BLM: variants seen among roughly 807,000 people sequenced by gnomAD.
BLM encodes recQ-like DNA helicase BLM.
Under a neutral mutation model 135.3 loss-of-function variants are expected in BLM, and 95 were observed. The ratio of observed to expected loss-of-function variants is 0.70; its 90% CI spans 0.59 to 0.83. The LOEUF (loss-of-function observed/expected upper bound fraction) is 0.83. BLM is among the 40% of genes least tolerant of loss of function. The probability of loss-of-function intolerance (pLI) is 0.00; values close to 1 mark genes in which losing one functional copy is unlikely to be tolerated. For missense variants in BLM, 1,518 were observed against 1,663.9 expected, an observed-to-expected ratio of 0.91 and a Z score of 1.53; for synonymous variants, 520 against 589.2, an observed-to-expected ratio of 0.88 and a Z score of 1.70.
chr15:90,721,301 A>T (rs1350531760), intron 1 of BLM, among the ~76,000 whole-genome samples: 1 of 151,968 alleles, frequency 6.6e-6, no homozygotes, highest in Non-Finnish European at 1.5e-5. Context: ...TTAATCATTT[A>T]TCTGTTATTT....
In BLM at chr15:90,763,153, G is replaced by A. The variant is rs148078150; in HGVS notation, c.2070G>A (p.Pro690=). 8.7e-6 allele frequency: 14 copies of A among 1,613,626 alleles called. No individual in the cohort carries two copies. The highest frequency in any genetic ancestry group is 1.7e-5 in the Admixed American group (1 of 59,980). The change falls in exon 8 of 22, where the codon CCG becomes CCA. Residue 690 remains proline, a synonymous_variant. Transcript: ENST00000355112. The part of the protein sequence containing the change: ...LLGEDCFILM[P]TGGGKSLCYQ... The stretch of plus-strand genomic sequence containing the variant: ...GTGAAGACTGTTTTATCCTGATGCC[G>A]ACTGGTATGTATTTTTAGAAGTGAA...
intron 1 of BLM, among the ~76,000 whole-genome samples, chr15:90,728,860 T>C (rs868444326): frequency 6.6e-6 from 1 of 152,134 alleles, no homozygotes; most frequent in Admixed American, 6.6e-5. Context: ...GCTGCTGTAA[T>C]AAATTACCAT....
intron 2 of BLM, chr15:90,747,785 G>T: frequency 8.9e-6 from 3 of 337,138 alleles, no homozygotes; most frequent in South Asian, 3.3e-5. Context: ...AAGTTTTGGG[G>T]GGTTTTTTTG....
In BLM at chr15:90,761,270, A is replaced by C. The variant is rs1163327010; in HGVS notation, c.1882+15A>C. The C allele has an allele frequency of 1.4e-6, 2 of 1,477,584 alleles. No individual in the cohort carries two copies. The highest frequency in any genetic ancestry group is 2.9e-5 in the African/African-American group (2 of 70,016). 91.5% of individuals were successfully genotyped at this position (1,477,584 alleles called of 1,614,324 possible). A position where few individuals can be genotyped will look rare whatever the true frequency, so the allele number is the denominator to read the frequency against. On this transcript the variant is annotated intron_variant, in intron 7 of 21. Coordinates refer to ENST00000355112, the MANE Select transcript of BLM (RefSeq NM_000057.4). Reference sequence around the variant, plus strand: ...GAATTATACTGGTAAGTTTAAAATAAATTGAATGCTTATATGAAAACAAAA... The same window carrying C: ...GAATTATACTGGTAAGTTTAAAATACATTGAATGCTTATATGAAAACAAAA...
chr15:90,799,553 G>C (rs1160903104), intron 17 of BLM, among the ~76,000 whole-genome samples: 2 of 145,880 alleles, frequency 1.4e-5, no homozygotes, highest in Non-Finnish European at 3.0e-5. Flanking sequence ...CAATGATCTA[G>C]GAAAACTTCC....
Position 90,750,059 on chromosome 15 carries a change from A to T in BLM, c.791A>T (p.Asp264Val). 6.2e-7 allele frequency: 1 copy of T among 1,613,964 alleles called. No individual in the cohort carries two copies. Among genetic ancestry groups the T allele is most frequent in the Non-Finnish European group, 8.5e-7 (1 of 1,179,902 alleles). The change falls in exon 3 of 22, where the codon GAT becomes GTT. Residue 264 changes from aspartate (D) to valine (V), a missense_variant. Coordinates refer to ENST00000355112, the MANE Select transcript of BLM (RefSeq NM_000057.4). ...ESDSLKTHLEDERDNSEKKKN... is the reference protein window; with the variant it reads ...ESDSLKTHLEVERDNSEKKKN... The stretch of plus-strand genomic sequence containing the variant: ...GACTCTCTGAAAACTCATTTGGAAG[A>T]TGAAAGAGGTAACAATTATTTTATC...
chr15:90,739,419 TAAAG>T (rs1047969617), intron 1 of BLM, among the ~76,000 whole-genome samples: 8 of 151,636 alleles, frequency 5.3e-5, no homozygotes, highest in African/African-American at 1.9e-4. Context: ...TTAATAATAA[TAAAG>T]GAAGGAGCCT....
intron 12 of BLM, among the ~76,000 whole-genome samples, chr15:90,775,685 T>A (rs1322973292): frequency 1.3e-5 from 2 of 152,030 alleles, no homozygotes; most frequent in Admixed American, 1.3e-4. Context: ...CTAATTTTTC[T>A]ATTTTTAGTA....
At chr15:90,748,856 C>A (rs1330484146) in intron 2 of BLM, among the ~76,000 whole-genome samples, 1 of 151,634 alleles carries the variant, frequency 6.6e-6, no homozygotes, top group Non-Finnish European at 1.5e-5. Context: ...CTCCTGGGTT[C>A]AAGCTATTCT....
rs2029922198 is a variant in BLM, at chr15:90,816,135, C to T, written c.*856C>T. ...TGCTCTGCAAATATGTGAAAAAGGT[C>T]AATCTCCATGAATAAAAATATGATA... On this transcript the variant is annotated 3_prime_UTR_variant, in exon 22 of 22. Coordinates refer to ENST00000355112, the MANE Select transcript of BLM (RefSeq NM_000057.4). 6.6e-6 allele frequency: 1 copy of T among 150,514 alleles called. No individual in the cohort carries two copies. The highest frequency in any genetic ancestry group is 2.4e-5 in the African/African-American group (1 of 40,960). The allele number at this position is 150,514 out of a possible 1,614,324, so 9.3% of individuals were successfully genotyped here. A position where few individuals can be genotyped will look rare whatever the true frequency, so the allele number is the denominator to read the frequency against.
At chr15:90,771,735 A>C (rs752307368) in intron 12 of BLM, among the ~76,000 whole-genome samples, 2 of 151,958 alleles carry the variant, frequency 1.3e-5, no homozygotes, top group Non-Finnish European at 2.9e-5. Flanking sequence ...CTTACGCCGG[A>C]TGCAATCTAC....
chr15:90,767,050 AT>A, intron 10 of BLM, 27 bp downstream of exon 10: 1 of 1,376,590 alleles, frequency 7.3e-7, no homozygotes, highest in South Asian at 1.3e-5. Flanking sequence ...TTATTTTAAA[AT>A]ATATTAAAGA....
At chr15:90,735,463 CTATCATGATAA>C (rs1895190234) in intron 1 of BLM, among the ~76,000 whole-genome samples, 1 of 151,670 alleles carries the variant, frequency 6.6e-6, no homozygotes, top group South Asian at 2.1e-4. Context: ...TGCAAAGCTT[CTATCATGATAA>C]TATTGTGGTA....
intron 20 of BLM, among the ~76,000 whole-genome samples, chr15:90,810,731 A>C (rs1002282631): frequency 5.9e-5 from 9 of 152,190 alleles, no homozygotes; most frequent in Admixed American, 4.6e-4. Context: ...GAATTTTCTT[A>C]TGTTCATTTA....
chr15:90,769,561 C>G lies in BLM; in HGVS notation c.2530C>G (p.Gln844Glu). ...NPRVQKDILT[Q>E]LKILRPQVFS... Reference sequence around the variant, plus strand: ...CAGGGTACAGAAGGACATCCTGACTCAGCTGAAGATTCTCAGACCTCAGGT... The same window carrying G: ...CAGGGTACAGAAGGACATCCTGACTGAGCTGAAGATTCTCAGACCTCAGGT... Residue 844 changes from glutamine to glutamate, a missense_variant, in exon 12 of 22, where the codon CAG becomes GAG. Physicochemically the swap from Gln to Glu is conservative, Grantham distance 29. Coordinates refer to ENST00000355112, the MANE Select transcript of BLM (RefSeq NM_000057.4). The G allele has an allele frequency of 6.2e-7, 1 of 1,614,022 alleles. No homozygotes were observed. The highest frequency in any genetic ancestry group is 8.5e-7 in the Non-Finnish European group (1 of 1,179,934).
intron 21 of BLM, among the ~76,000 whole-genome samples, chr15:90,813,513 C>T: frequency 6.6e-6 from 1 of 152,156 alleles, no homozygotes; most frequent in Non-Finnish European, 1.5e-5. Flanking sequence ...CCTGCCTCAG[C>T]CTCCCAAGTA....
rs1445931282 is a variant in BLM at position 90,761,087 on chromosome 15, C to T, written c.1714C>T (p.His572Tyr). The change falls in exon 7 of 22, where the codon CAT becomes TAT. Residue 572 changes from histidine (H) to tyrosine (Y), a missense_variant. Around this residue, in one of 5 missense-constraint regions of BLM, gnomAD observed 724 missense variants for 756.9 expected, o/e 0.96. Coordinates refer to ENST00000355112, the MANE Select transcript of BLM (RefSeq NM_000057.4). ...TGATGATGACTGGGAAGACATAATGCATAATTTAGCAGCCAGCAAATCTTC... is the reference window on the plus strand; with the variant it reads ...TGATGATGACTGGGAAGACATAATGTATAATTTAGCAGCCAGCAAATCTTC... ...DDDDDWEDIMHNLAASKSSTA... is the reference protein window; with the variant it reads ...DDDDDWEDIMYNLAASKSSTA... The T allele has an allele frequency of 1.3e-6, 2 of 1,557,484 alleles. No homozygotes were observed. Among genetic ancestry groups the T allele is most frequent in the African/African-American group, 2.8e-5 (2 of 72,474 alleles).
intron 12 of BLM, among the ~76,000 whole-genome samples, chr15:90,772,972 C>G (rs895604021): frequency 6.6e-6 from 1 of 151,550 alleles, no homozygotes; most frequent in Non-Finnish European, 1.5e-5. Flanking sequence ...TGGTGCATAC[C>G]TGTAATCCCA....
intron 1 of BLM, among the ~76,000 whole-genome samples, chr15:90,727,071 C>G (rs1185654291): frequency 6.6e-6 from 1 of 152,212 alleles, no homozygotes; most frequent in Non-Finnish European, 1.5e-5. Context: ...TAAGAGTTCT[C>G]TTTTCTCTGC....
Sources: gnomAD v4.1 joint callset for allele counts (sites outside exome capture counted in the v4.1 genomes callset) on GRCh38, gnomAD v4.1.1 for gene constraint, gnomAD v4.1.1 regional missense constraint, MANE v1.5 for transcripts, NCBI Gene and HGNC (gene_info 2026-07-23, HGNC 2026-07-21) for gene names.